The following EVC2 variants were observed in gnomAD, a reference collection of about 807,000 sequenced individuals.
EVC2 encodes limbin.
EVC2 carries 148 observed loss-of-function variants against 149.3 expected under a neutral mutation model. The ratio of observed to expected loss-of-function variants is 0.99; its 90% confidence interval spans 0.87 to 1.14. The LOEUF is 1.14. EVC2 is among the 50% of genes most tolerant of loss of function. The pLI, the probability that EVC2 is intolerant of heterozygous loss-of-function variation, is 0.00. For synonymous variants in EVC2, 776 were observed against 649.9 expected, an observed-to-expected ratio of 1.19 and a Z score of -2.95; for missense variants, 1,854 against 1,627.3, an observed-to-expected ratio of 1.14 and a Z score of -2.40.
At chr4:5,619,349 C>T (rs73198137) in intron 14 of EVC2, among the ~76,000 whole-genome samples, 1 of 152,244 alleles carries the variant, frequency 6.6e-6, no homozygotes, top group African/African-American at 2.4e-5. Context: ...GCCCTTAATG[C>T]AATATAACTG....
chr4:5,593,805 C>G (rs1375256747), intron 16 of EVC2, among the ~76,000 whole-genome samples: 1 of 152,140 alleles, frequency 6.6e-6, no homozygotes, highest in Non-Finnish European at 1.5e-5. Flanking sequence ...TCAGGGAGTT[C>G]CCTTTCCTAG....
chr4:5,535,934 C>T, the EVC2 span, among the ~76,000 whole-genome samples: 9,174 of 152,114 alleles, frequency 0.06, 909 homozygotes, highest in African/African-American at 0.21. This position sits in a 1 kb window ranked among gnomAD's most constrained non-coding sequence, Gnocchi z 4.7. Flanking sequence ...CTGTCTCCTA[C>T]ACAGTGCCTG....
chr4:5,559,889 ATTCCTTAAATGTGTGCTGCTCATAGTGAC>A (rs2108763193), downstream of EVC2, among the ~76,000 whole-genome samples: 1 of 152,222 alleles, frequency 6.6e-6, no homozygotes, highest in South Asian at 2.1e-4. This position sits in a 1 kb window ranked among gnomAD's most constrained non-coding sequence, Gnocchi z 5.0. Flanking sequence ...TTATGTCCCC[ATTCCTTAAATGTGTGCTGCTCATAGTGAC>A]TTCCTTACAA....
At chr4:5,688,702 G>A (rs1046211364) in intron 5 of EVC2, among the ~76,000 whole-genome samples, 1 of 152,106 alleles carries the variant, frequency 6.6e-6, no homozygotes, top group African/African-American at 2.4e-5. Flanking sequence ...AACACACCTG[G>A]ACAGCTCAAG....
Position 5,614,822 on chromosome 4 carries a change from A to G in EVC2, c.2829+600T>C, listed in dbSNP as rs769446650. On this transcript the variant is annotated intron_variant, in intron 16 of 21. Transcript: ENST00000344408. The surrounding 1 kb of genome is among the most constrained non-coding windows in gnomAD (Gnocchi z 4.7). ...GTGAAACCACATGTCTACTAAAAAT[A>G]CAAAAATTAGCAGGTGTGATGGTGG... 1.6e-5 allele frequency among the ~76,000 whole-genome samples: 2 copies of G among 128,862 alleles called. No homozygotes were observed. The highest frequency in any genetic ancestry group is 1.6e-5 in the Non-Finnish European group (1 of 63,284). 84.5% of individuals were successfully genotyped at this position (128,862 alleles called of 152,430 possible). A position where few individuals can be genotyped will look rare whatever the true frequency, so the allele number is the denominator to read the frequency against.
In EVC2 at chr4:5,679,747, C is replaced by T. The variant is rs1720219306; in HGVS notation, c.870+1513G>A. Among the ~76,000 whole-genome samples, 2 of 152,080 alleles carry T rather than the reference C, an allele frequency of 1.3e-5. No homozygotes were observed. Among genetic ancestry groups the T allele is most frequent in the Admixed American group, 1.3e-4 (2 of 15,262 alleles). On this transcript the variant is annotated intron_variant, in intron 7 of 21. Coordinates refer to ENST00000344408, the MANE Select transcript of EVC2 (RefSeq NM_147127.5). The surrounding 1 kb of genome is among the most constrained non-coding windows in gnomAD (Gnocchi z 5.1). Reference sequence around the variant, plus strand: ...CCTGTCATCTAGGTTTTAAGCCCCACATGTAATTGCCCTTGCCCCCCATCC... The same window carrying T: ...CCTGTCATCTAGGTTTTAAGCCCCATATGTAATTGCCCTTGCCCCCCATCC...
intron 1 of EVC2, among the ~76,000 whole-genome samples, chr4:5,707,413 T>C (rs1722281086): frequency 6.6e-6 from 1 of 151,940 alleles, no homozygotes; most frequent in African/African-American, 2.4e-5. Context: ...CAGGGCAGCA[T>C]CAATGGGCCA....
intron 9 of EVC2, among the ~76,000 whole-genome samples, chr4:5,641,587 C>G (rs1717330740): frequency 6.6e-6 from 1 of 152,054 alleles, no homozygotes; most frequent in African/African-American, 2.4e-5. Context: ...TCAGACTGTA[C>G]CCTTAAACTG....
chr4:5,583,752 G>T (rs1712011234), intron 17 of EVC2, among the ~76,000 whole-genome samples: 1 of 134,638 alleles, frequency 7.4e-6, no homozygotes, highest in African/African-American at 2.5e-5. Context: ...CTTGCCAAGG[G>T]TTTGTATATT....
At position 5,640,485 on chromosome 4, in the gene EVC2, T is replaced by G. The variant is rs181607420; in HGVS notation, c.1470+29A>C. 14 of 1,612,222 alleles carry G rather than the reference T, an allele frequency of 8.7e-6. No individual in the cohort carries two copies. The Admixed American group carries it at 2.2e-4, about 25-fold the overall frequency. On this transcript the variant is annotated intron_variant, in intron 10 of 21. Coordinates refer to ENST00000344408, the MANE Select transcript of EVC2 (RefSeq NM_147127.5). The surrounding 1 kb of genome is among the most constrained non-coding windows in gnomAD (Gnocchi z 4.6). ...GACAAATCCCTGAGAGAAAGGGAAG[T>G]GAACGCCTTCCTTTCAGACCTGTCT...
At chr4:5,594,536 C>T (rs966311142) in intron 16 of EVC2, among the ~76,000 whole-genome samples, 2 of 152,144 alleles carry the variant, frequency 1.3e-5, no homozygotes, top group Non-Finnish European at 2.9e-5. Flanking sequence ...GGAAAACTAA[C>T]AAACAGAAAG....
chr4:5,603,016 T>C (rs117412996), intron 16 of EVC2, among the ~76,000 whole-genome samples: 2 of 152,310 alleles, frequency 1.3e-5, no homozygotes, highest in South Asian at 2.1e-4. Flanking sequence ...TGTAGAATTA[T>C]TTGACTGTTT....
At chr4:5,543,022 G>C (rs1184527498) in intron 22 of EVC2, 24 of 691,602 alleles carry the variant, frequency 3.5e-5, no homozygotes, top group Non-Finnish European at 5.2e-5. Flanking sequence ...GGGCAGAGCA[G>C]AATTCTGTAT....
rs775393091 is a variant in EVC2 at position 5,584,712 on chromosome 4, TGAG to T, written c.2965_2967del (p.Leu989del). The T allele has an allele frequency of 1.9e-6, 3 of 1,614,018 alleles. No homozygotes were observed. In the East Asian group the frequency reaches 6.7e-5, roughly 36 times the overall value. ...TCTTCCAGGAGCAAGTCCTGGATGC[TGAG>T]GAGGGCGGTGTAGGCCGACAGAGTC... is the stretch of plus-strand genomic sequence containing the variant. On this transcript the variant is annotated inframe_deletion, in exon 17 of 22. Transcript: ENST00000344408.
downstream of EVC2, among the ~76,000 whole-genome samples, chr4:5,562,025 G>C (rs1721983020): frequency 6.6e-6 from 1 of 152,166 alleles, no homozygotes; most frequent in African/African-American, 2.4e-5. The surrounding 1 kb of genome is among the most constrained non-coding windows in gnomAD (Gnocchi z 4.3). Context: ...CTGCTGTGTG[G>C]ATGGGAAGGG....
At chr4:5,691,674 G>T (rs1721130766) in intron 3 of EVC2, among the ~76,000 whole-genome samples, 1 of 152,158 alleles carries the variant, frequency 6.6e-6, no homozygotes. Context: ...TGTACCGTGT[G>T]CTTACCAGGT....
At chr4:5,585,380 A>T (rs1712183466) in intron 16 of EVC2, among the ~76,000 whole-genome samples, 1 of 152,074 alleles carries the variant, frequency 6.6e-6, no homozygotes, top group South Asian at 2.1e-4. Flanking sequence ...CCTTCCTGAA[A>T]TTCTACTATT....
chr4:5,611,836 C>G (rs997796016), intron 16 of EVC2, among the ~76,000 whole-genome samples: 3 of 152,084 alleles, frequency 2.0e-5, no homozygotes, highest in East Asian at 3.9e-4. Flanking sequence ...GATTATAGGG[C>G]CTGAGTCATG....
intron 16 of EVC2, among the ~76,000 whole-genome samples, chr4:5,600,261 C>A (rs1275252414): frequency 6.6e-6 from 1 of 152,194 alleles, no homozygotes; most frequent in Non-Finnish European, 1.5e-5. Flanking sequence ...CTGTCATCAT[C>A]ATTACCACTT....
Sources: allele counts gnomAD v4.1 joint callset (sites outside exome capture counted in the v4.1 genomes callset), GRCh38; gene constraint gnomAD v4.1.1; non-coding constraint Gnocchi (gnomAD v3.1); transcripts MANE v1.5; gene names NCBI Gene and HGNC (gene_info 2026-07-23, HGNC 2026-07-21).